TFPI: variants seen among roughly 807,000 people sequenced by gnomAD.
TFPI encodes the protein tissue factor pathway inhibitor, also known as anti-convertin.
In TFPI, 15 loss-of-function variants were observed where a neutral mutation model predicts 34.6. That is an observed-to-expected ratio of 0.43 (90% CI 0.29 to 0.67). TFPI has a LOEUF of 0.67. TFPI is among the 30% of genes least tolerant of loss of function. TFPI has a pLI of 0.15. For missense variants in TFPI, 301 were observed against 364.0 expected, an observed-to-expected ratio of 0.83 and a Z score of 1.41; for synonymous variants, 105 against 120.1, an observed-to-expected ratio of 0.87 and a Z score of 0.82.
chr2:187,488,281 G>A, intron 4 of TFPI, 56 bp downstream of exon 4: 1 of 1,424,710 alleles, frequency 7.0e-7, no homozygotes, highest in Non-Finnish European at 9.5e-7. Flanking sequence ...ACAAAAAATT[G>A]AATATCTAAA....
chr2:187,503,448 C>T (rs1685983725), intron 2 of TFPI, among the ~76,000 whole-genome samples, 200 bp downstream of exon 2: 2 of 140,570 alleles, frequency 1.4e-5, no homozygotes, highest in Non-Finnish European at 3.1e-5. Context: ...CTGTTTAAAA[C>T]ACACATGTGC....
rs771312944 is a variant in TFPI at position 187,484,220 on chromosome 2, G to GA, written c.536-5dup. On this transcript the variant is annotated splice_region_variant and splice_polypyrimidine_tract_variant and intron_variant, in intron 5 of 7. Transcript: ENST00000233156. ...TTATCCACCTGGAAACCATTCGCTG[G>GA]AAAAAAATACAGCCAATTAAAATAG... The GA allele has an allele frequency of 6.8e-6, 11 of 1,608,232 alleles. No individual in the cohort carries two copies. Among genetic ancestry groups the GA allele is most frequent in the African/African-American group, 2.7e-5 (2 of 74,430 alleles).
rs1376659193 is a variant in TFPI, at chr2:187,465,365, T to A, written c.*1571A>T. 6.6e-6 allele frequency: 1 copy of A among 151,596 alleles called. No individual in the cohort carries two copies. The highest frequency in any genetic ancestry group is 2.4e-5 in the African/African-American group (1 of 41,250). The allele number at this position is 151,596 out of a possible 1,614,324, so 9.4% of individuals were successfully genotyped here. A position where few individuals can be genotyped will look rare whatever the true frequency, so the allele number is the denominator to read the frequency against. ...CAAAAATTACATAAATTAGCTGGTG[T>A]GGTGGCCTGCACCTCTAGTCCCAGC... is the stretch of plus-strand genomic sequence containing the variant. On this transcript the variant is annotated 3_prime_UTR_variant, in exon 8 of 8. Transcript: ENST00000233156.
intron 1 of TFPI, among the ~76,000 whole-genome samples, chr2:187,534,052 A>G (rs1280174317): frequency 6.6e-6 from 1 of 152,232 alleles, no homozygotes; most frequent in Non-Finnish European, 1.5e-5. Context: ...AAAGCCTCCA[A>G]GAAATATGAG....
At chr2:187,543,203 G>T (rs545497508) in intron 1 of TFPI, among the ~76,000 whole-genome samples, 3 of 152,010 alleles carry the variant, frequency 2.0e-5, no homozygotes, top group African/African-American at 7.2e-5. Flanking sequence ...TATTAAAATG[G>T]CTATGTGCAC....
At chr2:187,533,181 C>T (rs975109578) in intron 1 of TFPI, among the ~76,000 whole-genome samples, 26 of 152,288 alleles carry the variant, frequency 1.7e-4, no homozygotes, top group Non-Finnish European at 4.4e-5. Flanking sequence ...ATGGAGCGAG[C>T]AGCGGATATC....
At chr2:187,473,425 A>G (rs757338637) in intron 6 of TFPI, among the ~76,000 whole-genome samples, 1 of 152,196 alleles carries the variant, frequency 6.6e-6, no homozygotes, top group African/African-American at 2.4e-5. Context: ...GAAAAAAAAT[A>G]CAAGAAAATA....
chr2:187,513,534 C>A (rs1686790683), intron 1 of TFPI: 1 of 152,520 alleles, frequency 6.6e-6, no homozygotes, highest in Non-Finnish European at 1.5e-5. Context: ...ACACGTACCA[C>A]CCCTAGAATT....
chr2:187,533,385 C>G (rs1559150903), intron 1 of TFPI, among the ~76,000 whole-genome samples: 1 of 152,174 alleles, frequency 6.6e-6, no homozygotes, highest in Non-Finnish European at 1.5e-5. Flanking sequence ...GTAATCTTAG[C>G]TGTTCTACAG....
In TFPI at chr2:187,464,582, C is replaced by T. The variant is rs1691630736; in HGVS notation, c.*2354G>A. ...AACAATTAGGCAACTCATCAATGCG[C>T]TATTTATACAATCTTAGTGACTATT... On this transcript the variant is annotated 3_prime_UTR_variant, in exon 8 of 8. Transcript: ENST00000233156. 1 of 152,156 alleles carries T rather than the reference C, an allele frequency of 6.6e-6. No individual in the cohort carries two copies. Among genetic ancestry groups the T allele is most frequent in the Admixed American group, 6.5e-5 (1 of 15,268 alleles). 9.4% of individuals were successfully genotyped at this position (152,156 alleles called of 1,614,324 possible).
chr2:187,546,060 T>G (rs938823747), intron 1 of TFPI, among the ~76,000 whole-genome samples: 1 of 152,030 alleles, frequency 6.6e-6, no homozygotes, highest in Non-Finnish European at 1.5e-5. Context: ...AATTGAAATC[T>G]GAAGAGAATG....
intron 1 of TFPI, chr2:187,529,330 T>C (rs1687841396): frequency 6.6e-6 from 1 of 152,264 alleles, no homozygotes; most frequent in African/African-American, 2.4e-5. Flanking sequence ...TATCACAGAC[T>C]GTGTGGCTTA....
intron 6 of TFPI, among the ~76,000 whole-genome samples, chr2:187,473,486 G>A (rs1006777937): frequency 6.6e-5 from 10 of 152,020 alleles, no homozygotes; most frequent in Non-Finnish European, 1.3e-4. Flanking sequence ...GCATAATGTG[G>A]ATATGGCCAG....
chr2:187,518,688 C>G (rs553265084), intron 1 of TFPI: 1 of 152,200 alleles, frequency 6.6e-6, no homozygotes, highest in Non-Finnish European at 1.5e-5. Context: ...GTTGGCCTGT[C>G]TTGCTAGGTT....
At chr2:187,517,496 G>C (rs570448847) in intron 1 of TFPI, 1 of 152,260 alleles carries the variant, frequency 6.6e-6, no homozygotes, top group African/African-American at 2.4e-5. Flanking sequence ...TTGCACTGTG[G>C]TCAGACAAAC....
rs367966900 is a variant in TFPI, at chr2:187,474,378, C to T, written c.629-6446G>A. Among the ~76,000 whole-genome samples, 287 of 152,122 alleles carry T rather than the reference C, an allele frequency of 1.9e-3. 3 individuals carry two copies. Among genetic ancestry groups the T allele is most frequent in the African/African-American group, 6.6e-3 (276 of 41,528 alleles). On this transcript the variant is annotated intron_variant, in intron 6 of 7. Transcript: ENST00000233156. The stretch of plus-strand genomic sequence containing the variant: ...GGGTACTTCGCAAACTCCAGGCTAT[C>T]TGGAGAACATAACACAAAAAAGAGT...
intron 3 of TFPI, among the ~76,000 whole-genome samples, chr2:187,494,678 A>C (rs1325701558): frequency 6.6e-6 from 1 of 152,206 alleles, no homozygotes; most frequent in Admixed American, 6.5e-5. Flanking sequence ...TATCCTTATC[A>C]GTAGTCTGCT....
intron 3 of TFPI, among the ~76,000 whole-genome samples, chr2:187,489,537 CTA>C (rs1404712382): frequency 1.3e-5 from 2 of 151,184 alleles, no homozygotes; most frequent in Non-Finnish European, 3.0e-5. Flanking sequence ...AGATATAAAA[CTA>C]ATATGATTTA....
At chr2:187,488,557 T>C (rs1416418315) in intron 3 of TFPI, among the ~76,000 whole-genome samples, 182 bp from the exon 4 acceptor site, 1 of 151,414 alleles carries the variant, frequency 6.6e-6, no homozygotes, top group African/African-American at 2.4e-5. Flanking sequence ...CTATTTATTG[T>C]AACCATGAAG....
Sources: gnomAD v4.1 joint callset for allele counts (sites outside exome capture counted in the v4.1 genomes callset) on GRCh38, gnomAD v4.1.1 for gene constraint, MANE v1.5 for transcripts, NCBI Gene and HGNC (gene_info 2026-07-23, HGNC 2026-07-21) for gene names.